Variants in ICA1L observed in about 807,000 individuals in gnomAD.
ICA1L encodes islet cell autoantigen 1 like, also known as islet cell autoantigen 1-like protein.
In ICA1L, 50 loss-of-function variants were observed where a neutral mutation model predicts 61.3. The ratio of observed to expected loss-of-function variants is 0.82; its 90% CI spans 0.65 to 1.03. The LOEUF (loss-of-function observed/expected upper bound fraction) is 1.03. Among genes scored for constraint, ICA1L ranks in the 50% least tolerant of loss-of-function variants. The pLI is 0.00. For synonymous variants in ICA1L, 161 were observed against 191.3 expected, an observed-to-expected ratio of 0.84 and a Z score of 1.31; for missense variants, 508 against 556.7, an observed-to-expected ratio of 0.91 and a Z score of 0.88.
chr2:202,843,541 T>C (rs777764222), intron 1 of ICA1L, among the ~76,000 whole-genome samples: 17 of 152,152 alleles, frequency 1.1e-4, no homozygotes, highest in Non-Finnish European at 2.2e-4. Flanking sequence ...TGGTGCCTGA[T>C]GAGTAGCACC....
intron 7 of ICA1L, 117 bp from the exon 8 acceptor site, chr2:202,814,901 A>G: frequency 1.4e-6 from 1 of 700,090 alleles, no homozygotes; most frequent in Non-Finnish European, 2.4e-6. Context: ...TCTGAACTAG[A>G]GAGTGAAAGA....
At chr2:202,831,941 G>C (rs1156766045) in intron 1 of ICA1L, among the ~76,000 whole-genome samples, 2 of 152,104 alleles carry the variant, frequency 1.3e-5, no homozygotes, top group East Asian at 1.9e-4. Flanking sequence ...TTCATAAAAG[G>C]GAGGGAGCCA....
At chr2:202,829,105 T>C in intron 1 of ICA1L, 89 bp from the exon 2 acceptor site, 1 of 1,108,208 alleles carries the variant, frequency 9.0e-7, no homozygotes, top group South Asian at 1.6e-5. Flanking sequence ...TTCCACAACT[T>C]TGGGAGGCTG....
chr2:202,854,922 A>T (rs185605943), intron 1 of ICA1L, among the ~76,000 whole-genome samples: 77 of 152,308 alleles, frequency 5.1e-4, no homozygotes, highest in African/African-American at 1.8e-3. Flanking sequence ...GCTACCTGGG[A>T]GGCTGCGGCA....
At chr2:202,803,796 G>A (rs1422762651) in intron 9 of ICA1L, among the ~76,000 whole-genome samples, 1 of 152,026 alleles carries the variant, frequency 6.6e-6, no homozygotes, top group African/African-American at 2.4e-5. Context: ...CCAAAGTGCC[G>A]GGATTACAGG....
intron 1 of ICA1L, chr2:202,841,629 C>CTG: frequency 1.6e-6 from 1 of 627,184 alleles, no homozygotes; most frequent in Non-Finnish European, 3.0e-6. Context: ...CCCAGGACAC[C>CTG]CCGAAAGATG....
intron 9 of ICA1L, among the ~76,000 whole-genome samples, chr2:202,807,767 TG>T: frequency 6.6e-6 from 1 of 152,196 alleles, no homozygotes; most frequent in Non-Finnish European, 1.5e-5. Context: ...TCTTGCAACT[TG>T]GATACCAGCT....
rs879105373 is a variant in ICA1L, at chr2:202,773,689, TAATA to T, written c.*5840_*5843del. 258 of 904,934 alleles carry T rather than the reference TAATA, an allele frequency of 2.9e-4. 1 individual carries two copies. The South Asian group carries it at 3.7e-3, about 13-fold the overall frequency. The allele number at this position is 904,934 out of a possible 1,614,324, so 56.1% of individuals were successfully genotyped here. A position where few individuals can be genotyped will look rare whatever the true frequency, so the allele number is the denominator to read the frequency against. On this transcript the variant is annotated 3_prime_UTR_variant, in exon 13 of 13. Transcript: ENST00000358299. ...GAGATAGATGCCCAAGAGCTATCAT[TAATA>T]TATACAGCATATTGACTCTAGTTGC...
intron 3 of ICA1L, among the ~76,000 whole-genome samples, chr2:202,825,166 TCCATTTCAGATG>T (rs1458016381): frequency 6.6e-6 from 1 of 152,036 alleles, no homozygotes; most frequent in African/African-American, 2.4e-5. Context: ...TGGAAACAAA[TCCATTTCAGATG>T]CTGCGCAGGC....
chr2:202,829,519 T>C (rs902142142), intron 1 of ICA1L, among the ~76,000 whole-genome samples: 20 of 152,234 alleles, frequency 1.3e-4, no homozygotes, highest in Admixed American at 1.2e-3. Context: ...GGTGCAATCA[T>C]AGTTCAGAAT....
chr2:202,862,150 C>T (rs1372393459), intron 1 of ICA1L, among the ~76,000 whole-genome samples: 1 of 151,068 alleles, frequency 6.6e-6, no homozygotes, highest in East Asian at 1.9e-4. Flanking sequence ...CTTTAGAAAT[C>T]AATAGAAACC....
chr2:202,825,125 A>C (rs923389698), intron 3 of ICA1L, among the ~76,000 whole-genome samples: 1 of 152,200 alleles, frequency 6.6e-6, no homozygotes, highest in Non-Finnish European at 1.5e-5. Flanking sequence ...TGCAAGGGCA[A>C]GTGGGAGTCA....
At chr2:202,868,269 A>T (rs1297148505) in intron 1 of ICA1L, among the ~76,000 whole-genome samples, 1 of 152,240 alleles carries the variant, frequency 6.6e-6, no homozygotes, top group Non-Finnish European at 1.5e-5. Flanking sequence ...CTCAACCCAC[A>T]ATGATATACC....
intron 1 of ICA1L, among the ~76,000 whole-genome samples, chr2:202,861,058 C>G (rs1469365446): frequency 6.6e-6 from 1 of 151,794 alleles, no homozygotes; most frequent in Non-Finnish European, 1.5e-5. Flanking sequence ...GGTGAAACTC[C>G]GTCTCTACTA....
chr2:202,785,867 T>C, intron 12 of ICA1L, 51 bp downstream of exon 12: 1 of 1,018,738 alleles, frequency 9.8e-7, no homozygotes, highest in Non-Finnish European at 1.5e-6. Context: ...TTTATCTGAA[T>C]TCAACTGATT....
rs1693932944 is a variant in ICA1L, at chr2:202,828,986, T to A, written c.24A>T (p.Arg8Ser). 6.3e-7 allele frequency: 1 copy of A among 1,593,772 alleles called. No individual in the cohort carries two copies. The highest frequency in any genetic ancestry group is 1.1e-5 in the South Asian group (1 of 86,968). The change falls in exon 2 of 13, where the codon AGA (arginine) becomes AGT (serine). Residue 8 changes from arginine to serine, a missense_variant. Coordinates refer to ENST00000358299, the MANE Select transcript of ICA1L (RefSeq NM_001288622.3). The part of the protein sequence containing the change: MDSFGQP[R>S]PEDNQSVVRR... ...TGACTACTGACTGATTATCTTCTGGTCTGGGTTGCCCAAAGGAATCCATGG... is the reference window on the plus strand; with the variant it reads ...TGACTACTGACTGATTATCTTCTGGACTGGGTTGCCCAAAGGAATCCATGG...
chr2:202,792,785 C>CACA (rs1006058937), intron 10 of ICA1L, among the ~76,000 whole-genome samples: 7 of 151,998 alleles, frequency 4.6e-5, no homozygotes, highest in Non-Finnish European at 1.0e-4. Context: ...GCCTGGGCGA[C>CACA]AGAGTGAGAC....
chr2:202,814,824 T>C (rs1251209157), intron 7 of ICA1L, 40 bp from the exon 8 acceptor site: 1 of 1,279,632 alleles, frequency 7.8e-7, no homozygotes. Context: ...ATAGAATGAA[T>C]CTGTTTCTTC....
intron 1 of ICA1L, among the ~76,000 whole-genome samples, chr2:202,859,755 T>C (rs1306120895): frequency 1.3e-5 from 2 of 152,158 alleles, no homozygotes; most frequent in East Asian, 3.8e-4. Context: ...GAGTTTAAGA[T>C]ATTTTAAAGT....
Sources: allele counts gnomAD v4.1 joint callset (sites outside exome capture counted in the v4.1 genomes callset), GRCh38; gene constraint gnomAD v4.1.1; transcripts MANE v1.5; gene names NCBI Gene and HGNC (gene_info 2026-07-23, HGNC 2026-07-21).